Variants in L3MBTL2 observed in about 807,000 individuals in gnomAD.
L3MBTL2 encodes the protein lethal(3)malignant brain tumor-like protein 2.
L3MBTL2 carries 49 observed loss-of-function variants against 86.4 expected under a neutral mutation model. That is an observed-to-expected ratio of 0.57 (90% CI 0.45 to 0.72). The LOEUF (loss-of-function observed/expected upper bound fraction) is 0.72. Among genes scored for constraint, L3MBTL2 ranks in the 30% least tolerant of loss-of-function variants. The pLI is 0.00. For synonymous variants in L3MBTL2, 336 were observed against 350.6 expected, an observed-to-expected ratio of 0.96 and a Z score of 0.47; for missense variants, 755 against 923.7, an observed-to-expected ratio of 0.82 and a Z score of 2.37.
rs992406185 is a variant in L3MBTL2 at position 41,213,307 on chromosome 22, C to T, written c.263-586C>T. Among the ~76,000 whole-genome samples, 5 of 152,180 alleles carry T rather than the reference C, an allele frequency of 3.3e-5. No individual in the cohort carries two copies. The East Asian group carries it at 9.6e-4, about 29-fold the overall frequency. On this transcript the variant is annotated intron_variant, in intron 2 of 16. Coordinates refer to ENST00000216237, the MANE Select transcript of L3MBTL2 (RefSeq NM_031488.5). ...AGCCACAGAGGTTAAGTGACTTTGGCACTTTTTCTTCCTATAAATTTTTTC... is the reference window on the plus strand; with the variant it reads ...AGCCACAGAGGTTAAGTGACTTTGGTACTTTTTCTTCCTATAAATTTTTTC...
At position 41,227,644 on chromosome 22, in the gene L3MBTL2, C is replaced by T; in HGVS notation, c.1823-160C>T. On this transcript the variant is annotated intron_variant, in intron 14 of 16. Coordinates refer to ENST00000216237, the MANE Select transcript of L3MBTL2 (RefSeq NM_031488.5). The surrounding 1 kb of genome is among the most constrained non-coding windows in gnomAD (Gnocchi z 6.0). Reference sequence around the variant, plus strand: ...GGAAGAAGGGACAGCTGTTCTCCGGCCCCTCCTCCAGCCCCGCCCTCTCCT... The same window carrying T: ...GGAAGAAGGGACAGCTGTTCTCCGGTCCCTCCTCCAGCCCCGCCCTCTCCT... 6.4e-7 allele frequency: 1 copy of T among 1,551,648 alleles called. No individual in the cohort carries two copies. Among genetic ancestry groups the T allele is most frequent in the Non-Finnish European group, 8.7e-7 (1 of 1,147,226 alleles).
chr22:41,228,626 G>A (rs997371294), intron 15 of L3MBTL2: 20 of 505,052 alleles, frequency 4.0e-5, no homozygotes, highest in South Asian at 2.5e-4. Context: ...CGAGGTGGGC[G>A]GATCATGAGG....
At chr22:41,209,596 C>T (rs937409342) in intron 1 of L3MBTL2, 100 bp from the exon 2 acceptor site, 19 of 1,009,012 alleles carry the variant, frequency 1.9e-5, no homozygotes, top group South Asian at 2.9e-5. Flanking sequence ...GAAAGGTTCC[C>T]GAAAGTGTGA....
chr22:41,210,120 C>A, intron 2 of L3MBTL2, 187 bp downstream of exon 2: 16 of 417,930 alleles, frequency 3.8e-5, no homozygotes, highest in Non-Finnish European at 5.0e-5. Flanking sequence ...ACTGTGTTAA[C>A]TTCCTTTGCT....
intron 3 of L3MBTL2, 150 bp downstream of exon 3, chr22:41,214,176 T>C (rs927149588): frequency 1.1e-5 from 8 of 710,250 alleles, no homozygotes; most frequent in Non-Finnish European, 1.9e-5. Flanking sequence ...CAGAGGACAG[T>C]AGAATCCATT....
At chr22:41,220,013 A>T (rs558466580) in intron 6 of L3MBTL2, among the ~76,000 whole-genome samples, 21 of 152,210 alleles carry the variant, frequency 1.4e-4, no homozygotes, top group African/African-American at 4.8e-4. Context: ...CTGGGATTAT[A>T]GGCGTGAGCC....
rs552327545 is a variant in L3MBTL2 at position 41,217,313 on chromosome 22, G to C, written c.600+111G>C. ...CTGGACAGTGACAGTGGGGAGGTCT[G>C]GGCAGGAGACGGATGGCGTTACCAC... On this transcript the variant is annotated intron_variant, in intron 5 of 16. Coordinates refer to ENST00000216237, the MANE Select transcript of L3MBTL2 (RefSeq NM_031488.5). 141 of 766,640 alleles carry C rather than the reference G, an allele frequency of 1.8e-4. 2 individuals are homozygous for C. In the South Asian group the frequency reaches 2.1e-3, roughly 11 times the overall value. The allele number at this position is 766,640 out of a possible 1,614,324, so 47.5% of individuals were successfully genotyped here.
intron 2 of L3MBTL2, among the ~76,000 whole-genome samples, chr22:41,212,503 T>C (rs141460945): frequency 0.014 from 2,165 of 150,576 alleles, 57 homozygotes; most frequent in African/African-American, 0.05. Flanking sequence ...GTTGAAGGGA[T>C]TCTCCTGCCC....
intron 4 of L3MBTL2, 125 bp downstream of exon 4, chr22:41,216,387 G>T: frequency 8.5e-7 from 1 of 1,172,550 alleles, no homozygotes; most frequent in Non-Finnish European, 1.2e-6. Flanking sequence ...CTAAGTCAGG[G>T]TCACTGCGGA....
At chr22:41,215,946 A>G (rs1386115502) in intron 3 of L3MBTL2, among the ~76,000 whole-genome samples, 193 bp from the exon 4 acceptor site, 1 of 151,374 alleles carries the variant, frequency 6.6e-6, no homozygotes, top group Non-Finnish European at 1.5e-5. Flanking sequence ...ACCCCCTAGC[A>G]CCCCCGACGC....
In L3MBTL2 at chr22:41,221,360, TG is replaced by T. The variant is rs528616040; in HGVS notation, c.942+75del. 987 of 1,258,196 alleles carry T rather than the reference TG, an allele frequency of 7.8e-4. 1 individual carries two copies. Among genetic ancestry groups the T allele is most frequent in the Non-Finnish European group, 1.0e-3 (885 of 880,502 alleles). The allele number at this position is 1,258,196 out of a possible 1,614,324, so 77.9% of individuals were successfully genotyped here. A position where few individuals can be genotyped will look rare whatever the true frequency, so the allele number is the denominator to read the frequency against. On this transcript the variant is annotated intron_variant, in intron 8 of 16. Coordinates refer to ENST00000216237, the MANE Select transcript of L3MBTL2 (RefSeq NM_031488.5). Reference sequence around the variant, plus strand: ...TTTCTGCATCCTGCATGCCACTCACTGGAGCATGTTACCTAAGACCCCTTGC... The same window carrying T: ...TTTCTGCATCCTGCATGCCACTCACTGAGCATGTTACCTAAGACCCCTTGC...
chr22:41,221,001 G>T, intron 7 of L3MBTL2, 133 bp downstream of exon 7: 1 of 1,132,964 alleles, frequency 8.8e-7, no homozygotes, highest in Non-Finnish European at 1.2e-6. Flanking sequence ...CTGGCTTCCT[G>T]CCCTCCCCAT....
At chr22:41,217,342 C>G in intron 5 of L3MBTL2, 140 bp downstream of exon 5, 1 of 632,694 alleles carries the variant, frequency 1.6e-6, no homozygotes, top group Non-Finnish European at 2.8e-6. Context: ...TTACCACTCG[C>G]TCCATTTCAT....
chr22:41,216,837 T>G (rs779519121), intron 4 of L3MBTL2, among the ~76,000 whole-genome samples: 23 of 152,198 alleles, frequency 1.5e-4, no homozygotes, highest in African/African-American at 4.3e-4. Flanking sequence ...CCCAGGGATA[T>G]TTCAGTTTTC....
chr22:41,225,755 C>T lies in L3MBTL2; in HGVS notation c.1357-39C>T, dbSNP rs763139392. ...TACCAACCCAGGATGGGGTGCAGTT[C>T]ATGATATGATCTGTCTGCCTGCTCC... On this transcript the variant is annotated intron_variant, in intron 11 of 16. Coordinates refer to ENST00000216237, the MANE Select transcript of L3MBTL2 (RefSeq NM_031488.5). This position sits in a 1 kb window ranked among gnomAD's most constrained non-coding sequence, Gnocchi z 4.1. 1.9e-6 allele frequency: 3 copies of T among 1,587,366 alleles called. No individual in the cohort carries two copies. In the African/African-American group the frequency reaches 4.0e-5, roughly 21 times the overall value.
chr22:41,210,207 T>A (rs1196841470), intron 2 of L3MBTL2, among the ~76,000 whole-genome samples: 1 of 147,696 alleles, frequency 6.8e-6, no homozygotes, highest in South Asian at 2.1e-4. Context: ...TGGAGTACAG[T>A]GGCATGATCT....
chr22:41,215,726 A>ATGTGGGCCCTCTCCCGAACATTCGCCTG (rs2031298320), intron 3 of L3MBTL2, among the ~76,000 whole-genome samples: 1 of 151,910 alleles, frequency 6.6e-6, no homozygotes, highest in African/African-American at 2.4e-5. Context: ...ACATTCGCCT[A>ATGTGGGCCCTCTCCCGAACATTCGCCTG]TGTGGACCCT....
In L3MBTL2 at chr22:41,207,043, G is replaced by T. The variant is rs906583808; in HGVS notation, c.24+1657G>T. Among the ~76,000 whole-genome samples, 8 of 152,164 alleles carry T rather than the reference G, an allele frequency of 5.3e-5. No individual in the cohort carries two copies. The South Asian group carries it at 1.5e-3, about 28-fold the overall frequency. On this transcript the variant is annotated intron_variant, in intron 1 of 16. Coordinates refer to ENST00000216237, the MANE Select transcript of L3MBTL2 (RefSeq NM_031488.5). ...GAAAGCTTATTACCTCTCTTGTAATGATGACAGCAGCAAGATAAAATACGC... is the reference window on the plus strand; with the variant it reads ...GAAAGCTTATTACCTCTCTTGTAATTATGACAGCAGCAAGATAAAATACGC...
rs1218396752 is a variant in L3MBTL2 at position 41,231,256 on chromosome 22, C to G, written c.*1005C>G. 6.6e-6 allele frequency: 1 copy of G among 152,194 alleles called. No homozygotes were observed. The highest frequency in any genetic ancestry group is 1.5e-5 in the Non-Finnish European group (1 of 68,044). The allele number at this position is 152,194 out of a possible 1,614,324, so 9.4% of individuals were successfully genotyped here. A position where few individuals can be genotyped will look rare whatever the true frequency, so the allele number is the denominator to read the frequency against. Reference sequence around the variant, plus strand: ...CAGACTCTGTGTGTGAGAAATTAAACCCCCTGCTTGCTTGAGTCCCGTTTG... The same window carrying G: ...CAGACTCTGTGTGTGAGAAATTAAAGCCCCTGCTTGCTTGAGTCCCGTTTG... On this transcript the variant is annotated 3_prime_UTR_variant, in exon 17 of 17. Coordinates refer to ENST00000216237, the MANE Select transcript of L3MBTL2 (RefSeq NM_031488.5).
Sources: gnomAD v4.1 joint callset for allele counts (sites outside exome capture counted in the v4.1 genomes callset) on GRCh38, gnomAD v4.1.1 for gene constraint, Gnocchi (gnomAD v3.1) non-coding constraint, MANE v1.5 for transcripts, NCBI Gene and HGNC (gene_info 2026-07-23, HGNC 2026-07-21) for gene names.